The following USP15 variants were observed in gnomAD, a reference collection of about 807,000 sequenced individuals.
The protein encoded by USP15 is ubiquitin specific peptidase 15.
Under a neutral mutation model 127.1 loss-of-function variants are expected in USP15, and 18 were observed. The ratio of observed to expected loss-of-function variants is 0.14; its 90% CI spans 0.10 to 0.21. The LOEUF is 0.21. Among genes scored for constraint, USP15 ranks in the 10% least tolerant of loss-of-function variants. The pLI is 1.00. For missense variants in USP15, 805 were observed against 1,159.9 expected (o/e 0.69, Z 4.44); for synonymous variants, 364 against 393.7 (o/e 0.92, Z 0.89).
chr12:62,371,796 T>G (rs17717265), intron 8 of USP15, among the ~76,000 whole-genome samples: 12,206 of 152,202 alleles, frequency 0.08, 596 homozygotes, highest in Middle Eastern at 0.16. Context: ...TGTATTTTGC[T>G]GTGGAGCTAA....
intron 2 of USP15, among the ~76,000 whole-genome samples, chr12:62,299,032 C>T (rs542195841): frequency 8.5e-5 from 13 of 152,124 alleles, no homozygotes; most frequent in Non-Finnish European, 1.8e-4. Context: ...TGCCACCCCC[C>T]ACTCTAGACA....
In USP15 at chr12:62,413,262, CATT is replaced by C. The variant is rs1210153913; in HGVS notation, c.*8890_*8892del. ...TATGGTTCCTTTTATAGAGCAAAAACATTATATTTAGTTTAATTTTAAGGACCC... is the reference window on the plus strand; with the variant it reads ...TATGGTTCCTTTTATAGAGCAAAAACATATTTAGTTTAATTTTAAGGACCC... On this transcript the variant is annotated 3_prime_UTR_variant, in exon 22 of 22. Transcript: ENST00000280377. 3 of 152,120 alleles carry C rather than the reference CATT, an allele frequency of 2.0e-5. No homozygotes were observed. The highest frequency in any genetic ancestry group is 2.4e-5 in the African/African-American group (1 of 41,424). The allele number at this position is 152,120 out of a possible 1,614,324, so 9.4% of individuals were successfully genotyped here.
chr12:62,311,733 C>A (rs1239325229), intron 3 of USP15, among the ~76,000 whole-genome samples: 1 of 151,306 alleles, frequency 6.6e-6, no homozygotes, highest in Non-Finnish European at 1.5e-5. Flanking sequence ...ATGCAGTGGT[C>A]TAAAGTAAAA....
chr12:62,271,766 A>G (rs1379039153), intron 1 of USP15, among the ~76,000 whole-genome samples: 1 of 151,926 alleles, frequency 6.6e-6, no homozygotes, highest in Non-Finnish European at 1.5e-5. Flanking sequence ...ATTAATGGTC[A>G]TGTATGTGTA....
chr12:62,325,764 A>T, intron 5 of USP15, 108 bp from the exon 6 acceptor site: 2 of 901,630 alleles, frequency 2.2e-6, no homozygotes, highest in Non-Finnish European at 3.3e-6. Flanking sequence ...GTTTTCCTTT[A>T]AATAATCACA....
intron 2 of USP15, among the ~76,000 whole-genome samples, chr12:62,298,404 C>T (rs1019097737): frequency 4.6e-5 from 7 of 152,118 alleles, no homozygotes; most frequent in Non-Finnish European, 8.8e-5. Flanking sequence ...CGATGGCTCA[C>T]ACCTGTAATC....
At position 62,320,914 on chromosome 12, in the gene USP15, A is replaced by G. The variant is rs565257941; in HGVS notation, c.476-550A>G. On this transcript the variant is annotated intron_variant, in intron 4 of 21. Transcript: ENST00000280377. ...ATTTCAGTAAATTGATTTAGAAATCAGAAAAAGACGTGACTTTACTTTGAA... is the reference window on the plus strand; with the variant it reads ...ATTTCAGTAAATTGATTTAGAAATCGGAAAAAGACGTGACTTTACTTTGAA... 2.2e-4 allele frequency among the ~76,000 whole-genome samples: 33 copies of G among 152,280 alleles called. No homozygotes were observed. The South Asian group carries it at 6.4e-3, about 30-fold the overall frequency.
intron 3 of USP15, among the ~76,000 whole-genome samples, chr12:62,310,742 T>C (rs938276410): frequency 2.3e-4 from 35 of 151,506 alleles, no homozygotes; most frequent in African/African-American, 8.5e-4. Flanking sequence ...TGGGTAGATA[T>C]GCGGTAGTAG....
At position 62,325,853 on chromosome 12, in the gene USP15, T is replaced by G; in HGVS notation, c.622-19T>G. On this transcript the variant is annotated intron_variant, in intron 5 of 21. Coordinates refer to ENST00000280377, the MANE Select transcript of USP15 (RefSeq NM_001252078.2). Reference sequence around the variant, plus strand: ...TCAGAGTTATGGAAAAACACCCTTTTATTGTGTCATATTTGCAGGTATTAG... The same window carrying G: ...TCAGAGTTATGGAAAAACACCCTTTGATTGTGTCATATTTGCAGGTATTAG... 1 of 1,596,914 alleles carries G rather than the reference T, an allele frequency of 6.3e-7. No individual in the cohort carries two copies. The highest frequency in any genetic ancestry group is 8.5e-7 in the Non-Finnish European group (1 of 1,170,844).
At chr12:62,310,770 G>C (rs73137504) in intron 3 of USP15, among the ~76,000 whole-genome samples, 1 of 99,194 alleles carries the variant, frequency 1.0e-5, no homozygotes, top group African/African-American at 4.2e-5. Context: ...GGATTCAATG[G>C]TAATTCTGTT....
intron 8 of USP15, among the ~76,000 whole-genome samples, chr12:62,365,516 C>T (rs1415994431): frequency 2.6e-5 from 4 of 152,042 alleles, no homozygotes; most frequent in Non-Finnish European, 1.5e-5. Flanking sequence ...TGTTCACGCT[C>T]ATGGTAGTTT....
intron 19 of USP15, 124 bp from the exon 20 acceptor site, chr12:62,396,171 T>C: frequency 2.3e-6 from 1 of 430,054 alleles, no homozygotes; most frequent in East Asian, 4.5e-5. Flanking sequence ...TATATATAGA[T>C]AGATATATAT....
chr12:62,321,331 A>C, intron 4 of USP15, 133 bp from the exon 5 acceptor site: 2 of 552,138 alleles, frequency 3.6e-6, no homozygotes, highest in Non-Finnish European at 5.7e-6. Flanking sequence ...TTTGTGTTTT[A>C]TAGATTTATT....
intron 3 of USP15, among the ~76,000 whole-genome samples, chr12:62,313,038 A>G (rs2064728556): frequency 6.6e-6 from 1 of 151,674 alleles, no homozygotes; most frequent in African/African-American, 2.4e-5. Context: ...ACACCTTGTT[A>G]ATACACTACT....
In USP15 at chr12:62,342,746, G is replaced by T. The variant is rs138231880; in HGVS notation, c.684-6475G>T. Among the ~76,000 whole-genome samples, 1,385 of 152,246 alleles carry T rather than the reference G, an allele frequency of 9.1e-3. 18 individuals carry two copies. Among genetic ancestry groups the T allele is most frequent in the Non-Finnish European group, 0.014 (983 of 68,028 alleles). On this transcript the variant is annotated intron_variant, in intron 6 of 21. Transcript: ENST00000280377. ...CCAGTGGAGGCTGCAGAACAGCAAA[G>T]ATTGCTGCCTACTCCTTCCTCTGGA...
chr12:62,330,406 T>A (rs545081950), intron 6 of USP15, among the ~76,000 whole-genome samples: 1 of 151,414 alleles, frequency 6.6e-6, no homozygotes, highest in Admixed American at 6.6e-5. Context: ...CTGATCAACA[T>A]GGTGAAACCC....
chr12:62,303,862 C>T (rs1215007255), intron 3 of USP15, among the ~76,000 whole-genome samples: 1 of 151,558 alleles, frequency 6.6e-6, no homozygotes, highest in Non-Finnish European at 1.5e-5. Flanking sequence ...TTCACTCAGC[C>T]ACTTCAAAAT....
chr12:62,335,204 T>C, intron 6 of USP15: 1 of 1,535,650 alleles, frequency 6.5e-7, no homozygotes, highest in East Asian at 2.4e-5. Flanking sequence ...ACAGTTTAAT[T>C]TCCACATACG....
chr12:62,303,140 T>C (rs556966048), intron 3 of USP15: 1 of 354,814 alleles, frequency 2.8e-6, no homozygotes, highest in Non-Finnish European at 5.1e-6. Context: ...CCTCTATATA[T>C]AGAGAGAAAA....
Sources: allele counts gnomAD v4.1 joint callset (sites outside exome capture counted in the v4.1 genomes callset), GRCh38; gene constraint gnomAD v4.1.1; transcripts MANE v1.5; gene names NCBI Gene and HGNC (gene_info 2026-07-23, HGNC 2026-07-21).